The following JMJD1C variants were observed in gnomAD, a reference collection of about 807,000 sequenced individuals.
JMJD1C encodes jumonji domain containing 1C.
Under a neutral mutation model 245.3 loss-of-function variants are expected in JMJD1C, and 31 were observed. The observed-to-expected ratio is 0.13, with a 90% CI of 0.09 to 0.17. JMJD1C has a LOEUF of 0.17. Ranked by LOEUF, JMJD1C falls within the 10% of genes least tolerant of loss-of-function variation. The pLI, the probability that JMJD1C is intolerant of heterozygous loss-of-function variation, is 1.00. For missense variants in JMJD1C, 2,691 were observed against 3,000.2 expected, an observed-to-expected ratio of 0.90 and a Z score of 2.41; for synonymous variants, 1,057 against 1,017.4, an observed-to-expected ratio of 1.04 and a Z score of -0.74.
At chr10:63,349,906 T>C (rs1299161384) in intron 2 of JMJD1C, among the ~76,000 whole-genome samples, 1 of 152,168 alleles carries the variant, frequency 6.6e-6, no homozygotes, top group Non-Finnish European at 1.5e-5. Context: ...GTAAAGAGTA[T>C]CTACATAAAT....
chr10:63,249,443 T>C (rs1007813684), intron 3 of JMJD1C, among the ~76,000 whole-genome samples: 11 of 152,286 alleles, frequency 7.2e-5, no homozygotes, highest in South Asian at 2.1e-4. Flanking sequence ...GATATAAATA[T>C]ACAATTCAAC....
intron 1 of JMJD1C, among the ~76,000 whole-genome samples, chr10:63,456,026 T>C (rs1227931211): frequency 6.6e-6 from 1 of 152,156 alleles, no homozygotes; most frequent in Admixed American, 6.5e-5. Context: ...TTATTTCTAT[T>C]ATATAACTAT....
chr10:63,247,281 A>C (rs190813431), intron 3 of JMJD1C, among the ~76,000 whole-genome samples: 3 of 152,256 alleles, frequency 2.0e-5, no homozygotes, highest in Admixed American at 2.0e-4. Flanking sequence ...GACCTCAGAA[A>C]TACAAAGACT....
At chr10:63,354,715 G>A (rs1209017653) in intron 2 of JMJD1C, among the ~76,000 whole-genome samples, 2 of 151,308 alleles carry the variant, frequency 1.3e-5, no homozygotes, top group African/African-American at 2.4e-5. Flanking sequence ...TAATATATCT[G>A]AATTAAAAAT....
At chr10:63,175,218 G>A (rs1034918470) in intron 24 of JMJD1C, among the ~76,000 whole-genome samples, 5 of 152,136 alleles carry the variant, frequency 3.3e-5, no homozygotes, top group Admixed American at 1.3e-4. Context: ...TCTGCTAAGA[G>A]TCTAGAAGTC....
chr10:63,506,655 A>G (rs1024370623), intron 1 of JMJD1C, among the ~76,000 whole-genome samples: 16 of 152,158 alleles, frequency 1.1e-4, no homozygotes, highest in African/African-American at 2.7e-4. Context: ...AACTGAGTGG[A>G]AAGTACAGAG....
At chr10:63,474,097 AT>A (rs543312788) in intron 1 of JMJD1C, among the ~76,000 whole-genome samples, 326 of 148,412 alleles carry the variant, frequency 2.2e-3, no homozygotes, top group South Asian at 5.0e-3. Flanking sequence ...ACTAAAAAAA[AT>A]AATAATAATA....
At chr10:63,351,608 T>G (rs1413265022) in intron 2 of JMJD1C, among the ~76,000 whole-genome samples, 2 of 152,080 alleles carry the variant, frequency 1.3e-5, no homozygotes, top group African/African-American at 4.8e-5. Context: ...AAAATCAAGT[T>G]TATAGAGCCT....
intron 1 of JMJD1C, among the ~76,000 whole-genome samples, chr10:63,423,336 C>T (rs7087247): frequency 0.99 from 150,051 of 152,306 alleles, 73,948 homozygotes; most frequent in Middle Eastern, 1. Flanking sequence ...TCATCTCCCC[C>T]CATCCCCTGG....
At chr10:63,290,154 G>C (rs148135261) in intron 2 of JMJD1C, among the ~76,000 whole-genome samples, 1 of 152,106 alleles carries the variant, frequency 6.6e-6, no homozygotes, top group African/African-American at 2.4e-5. Flanking sequence ...AAACCTTAAA[G>C]GAAGGTCTAA....
At chr10:63,192,573 G>A (rs1307873458) in intron 16 of JMJD1C, among the ~76,000 whole-genome samples, 1 of 151,928 alleles carries the variant, frequency 6.6e-6, no homozygotes, top group African/African-American at 2.4e-5. Flanking sequence ...CGTGCTCCCC[G>A]ACCCCTAAAA....
upstream of JMJD1C, among the ~76,000 whole-genome samples, chr10:63,467,333 TTTTTAGTCTCTACTAAAAATACAAAAA>T (rs1953335004): frequency 6.6e-6 from 1 of 152,078 alleles, no homozygotes; most frequent in South Asian, 2.1e-4. Flanking sequence ...ACTAAATGTA[TTTTTAGTCTCTACTAAAAATACAAAAA>T]ATTAGCTGGG....
intron 1 of JMJD1C, among the ~76,000 whole-genome samples, chr10:63,417,083 C>T (rs1352941417): frequency 1.3e-5 from 2 of 152,164 alleles, no homozygotes; most frequent in Admixed American, 1.3e-4. Flanking sequence ...CAGGATCATA[C>T]TGATTTCTCT....
intron 3 of JMJD1C, among the ~76,000 whole-genome samples, chr10:63,263,237 T>C (rs1855023609): frequency 6.6e-6 from 1 of 152,116 alleles, no homozygotes; most frequent in Admixed American, 6.5e-5. Context: ...ACAAAAAAAC[T>C]AGGTCCTTTA....
At chr10:63,414,433 C>G (rs538747637) in intron 1 of JMJD1C, among the ~76,000 whole-genome samples, 16 of 152,114 alleles carry the variant, frequency 1.1e-4, no homozygotes, top group African/African-American at 3.6e-4. Flanking sequence ...TTAGAGATCT[C>G]AAGTCTAACC....
At position 63,288,150 on chromosome 10, in the gene JMJD1C, G is replaced by C. The variant is rs998242124; in HGVS notation, c.334-23386C>G. On this transcript the variant is annotated intron_variant, in intron 2 of 25. Transcript: ENST00000399262. ...CAGAGGCAGAACCCACAGACACAGA[G>C]GGCCAACTGTATGTACTGAAAAAAA... Among the ~76,000 whole-genome samples the C allele has an allele frequency of 9.2e-5, 14 of 152,146 alleles. No homozygotes were observed. In the East Asian group the frequency reaches 2.7e-3, roughly 29 times the overall value.
At chr10:63,374,076 A>C (rs767307598) in intron 2 of JMJD1C, among the ~76,000 whole-genome samples, 11 of 152,230 alleles carry the variant, frequency 7.2e-5, no homozygotes, top group Non-Finnish European at 1.6e-4. Flanking sequence ...CATAGACTTT[A>C]AAATAAACAT....
chr10:63,367,274 A>T (rs976015036), intron 2 of JMJD1C, among the ~76,000 whole-genome samples: 1 of 151,812 alleles, frequency 6.6e-6, no homozygotes, highest in South Asian at 2.1e-4. Flanking sequence ...TTTGAGATAG[A>T]GTTTCATTCT....
At chr10:63,500,798 CGGATGCATGGATGCACAGAT>C (rs1475983579) in intron 1 of JMJD1C, among the ~76,000 whole-genome samples, 1 of 69,706 alleles carries the variant, frequency 1.4e-5, no homozygotes, top group Non-Finnish European at 3.1e-5. Context: ...GATGGATGCA[CGGATGCATGGATGCACAGAT>C]GGATGCATGG....
Sources: gnomAD v4.1 joint callset for allele counts (sites outside exome capture counted in the v4.1 genomes callset) on GRCh38, gnomAD v4.1.1 for gene constraint, MANE v1.5 for transcripts, NCBI Gene and HGNC (gene_info 2026-07-23, HGNC 2026-07-21) for gene names.